DHRSX: variants seen among roughly 807,000 people sequenced by gnomAD.
DHRSX encodes the protein dehydrogenase/reductase X-linked.
Under a neutral mutation model 34.0 loss-of-function variants are expected in DHRSX, and 31 were observed. The observed-to-expected ratio is 0.91, with a 90% CI of 0.69 to 1.23. The LOEUF is 1.23. DHRSX is among the 50% of genes most tolerant of loss of function. The pLI is 0.00. For missense variants in DHRSX, 414 were observed against 428.1 expected (o/e 0.97, Z 0.29); for synonymous variants, 201 against 183.8 (o/e 1.09, Z -0.76).
chrX:2,479,438 A>C (rs1005268986), intron 1 of DHRSX, among the ~76,000 whole-genome samples: 4 of 145,788 alleles, frequency 2.7e-5, no homozygotes, highest in South Asian at 2.2e-4. Flanking sequence ...TTCCGTAAGA[A>C]TATGGCCCTG....
chrX:2,246,746 A>AAGAAAGAAAGAAAG (rs2016304546), intron 5 of DHRSX, among the ~76,000 whole-genome samples: 3 of 91,120 alleles, frequency 3.3e-5, no homozygotes, highest in African/African-American at 1.1e-4. Context: ...GAAAGAAAGA[A>AAGAAAGAAAGAAAG]AGAAAAAGAA....
intron 2 of DHRSX, among the ~76,000 whole-genome samples, chrX:2,418,770 A>G (rs1403234825): frequency 6.6e-6 from 1 of 152,188 alleles, no homozygotes; most frequent in Admixed American, 6.5e-5. Context: ...TGACCCAGTC[A>G]TCTCAAATAT....
At chrX:2,427,483 TC>T (rs1304323641) in intron 1 of DHRSX, among the ~76,000 whole-genome samples, 1 of 152,056 alleles carries the variant, frequency 6.6e-6, no homozygotes, top group African/African-American at 2.4e-5. Context: ...ACGGGGGAGC[TC>T]CGCCACAGTT....
intron 2 of DHRSX, among the ~76,000 whole-genome samples, chrX:2,411,714 G>A (rs1157282439): frequency 2.6e-5 from 4 of 151,092 alleles, no homozygotes; most frequent in South Asian, 2.1e-4. Flanking sequence ...GCAACACAGC[G>A]AGACTCCATC....
intron 1 of DHRSX, among the ~76,000 whole-genome samples, chrX:2,436,461 ATATTAT>A (rs1236612938): frequency 1.5e-4 from 20 of 129,276 alleles, no homozygotes; most frequent in African/African-American, 2.6e-4. Flanking sequence ...TTGCAGCAAC[ATATTAT>A]TATTATTATT....
intron 5 of DHRSX, among the ~76,000 whole-genome samples, chrX:2,248,639 AAAAGAAAAAG>A (rs2016359489): frequency 9.0e-6 from 1 of 110,518 alleles, no homozygotes; most frequent in Admixed American, 9.5e-5. Context: ...AAAAGAAAAG[AAAAGAAAAAG>A]AAAGAAAAGA....
intron 3 of DHRSX, 37 bp downstream of exon 3, chrX:2,408,708 A>C: frequency 1.9e-6 from 3 of 1,578,816 alleles, no homozygotes; most frequent in Non-Finnish European, 2.6e-6. Context: ...AAGGAAAAAA[A>C]AAAACAAAAA....
At chrX:2,390,831 G>T (rs2043327379) in intron 3 of DHRSX, among the ~76,000 whole-genome samples, 1 of 151,886 alleles carries the variant, frequency 6.6e-6, no homozygotes. Context: ...CCTTTTTTAT[G>T]GCTGTGTAAT....
At chrX:2,244,618 A>G (rs33999934) in intron 5 of DHRSX, among the ~76,000 whole-genome samples, 39,136 of 151,946 alleles carry the variant, frequency 0.26, 6,234 homozygotes, top group African/African-American at 0.43. Context: ...AGAGGCGATC[A>G]ATTTGCTACA....
chrX:2,399,309 T>C (rs1237034506), intron 3 of DHRSX, among the ~76,000 whole-genome samples: 2 of 151,662 alleles, frequency 1.3e-5, no homozygotes, highest in Non-Finnish European at 2.9e-5. Flanking sequence ...CGCATATGCC[T>C]GTCTACAGCC....
intron 3 of DHRSX, among the ~76,000 whole-genome samples, chrX:2,387,190 G>A (rs2043282137): frequency 6.6e-6 from 1 of 151,966 alleles, no homozygotes; most frequent in African/African-American, 2.4e-5. Flanking sequence ...ATCAACATGA[G>A]TTTGGGCACT....
intron 3 of DHRSX, among the ~76,000 whole-genome samples, chrX:2,404,945 C>G (rs2043533168): frequency 6.6e-6 from 1 of 152,190 alleles, no homozygotes; most frequent in Non-Finnish European, 1.5e-5. Flanking sequence ...AAGATCTGGC[C>G]AGGCTGCTGC....
chrX:2,298,185 G>T (rs1194132476), intron 3 of DHRSX, among the ~76,000 whole-genome samples: 2 of 152,026 alleles, frequency 1.3e-5, no homozygotes, highest in Admixed American at 6.6e-5. Flanking sequence ...CCCAGGAGCT[G>T]GGGGAGGCCA....
rs140386359 is a variant in DHRSX, at chrX:2,352,182, G to A, written c.286+56563C>T. ...GAAGCTTAGCTGATGACTCCTGGAG[G>A]CACACTCAACCCTAAACTATGATAT... On this transcript the variant is annotated intron_variant, in intron 3 of 6. Coordinates refer to ENST00000334651, the MANE Select transcript of DHRSX (RefSeq NM_145177.3). 4.0e-3 allele frequency among the ~76,000 whole-genome samples: 615 copies of A among 152,114 alleles called. 3 individuals carry two copies. The highest frequency in any genetic ancestry group is 0.013 in the African/African-American group (559 of 41,492).
intron 1 of DHRSX, among the ~76,000 whole-genome samples, chrX:2,477,728 C>T (rs1342925708): frequency 2.0e-5 from 3 of 152,032 alleles, no homozygotes; most frequent in African/African-American, 7.2e-5. Context: ...GCCTGTATTC[C>T]CAGCTACTCA....
At chrX:2,446,837 G>C (rs1051327394) in intron 1 of DHRSX, among the ~76,000 whole-genome samples, 1 of 151,796 alleles carries the variant, frequency 6.6e-6, no homozygotes, top group Admixed American at 6.6e-5. Context: ...CCAAGGGACC[G>C]CAAGGAAGAT....
chrX:2,316,523 GC>G (rs1280939302), intron 3 of DHRSX, among the ~76,000 whole-genome samples: 1 of 152,078 alleles, frequency 6.6e-6, no homozygotes, highest in Non-Finnish European at 1.5e-5. Context: ...CTGCACTCCA[GC>G]CTGGGTGATA....
chrX:2,291,906 T>A (rs1178482414), intron 3 of DHRSX, among the ~76,000 whole-genome samples: 2 of 148,324 alleles, frequency 1.3e-5, no homozygotes, highest in African/African-American at 2.5e-5. Context: ...ATTTTTTTTT[T>A]TTTTTTTTTT....
At chrX:2,266,700 A>G in intron 5 of DHRSX, 40 bp downstream of exon 5, 1 of 1,592,888 alleles carries the variant, frequency 6.3e-7, no homozygotes, top group Non-Finnish European at 8.6e-7. Flanking sequence ...CCTTTAACCC[A>G]CCTGAGATGC....
Sources: allele counts gnomAD v4.1 joint callset (sites outside exome capture counted in the v4.1 genomes callset), GRCh38; gene constraint gnomAD v4.1.1; transcripts MANE v1.5; gene names NCBI Gene and HGNC (gene_info 2026-07-23, HGNC 2026-07-21).